Variants in IQGAP1 observed in about 807,000 individuals in gnomAD.
The protein encoded by IQGAP1 is ras GTPase-activating-like protein IQGAP1.
A neutral mutation model predicts 215.6 loss-of-function variants in IQGAP1; 66 were observed. The ratio of observed to expected loss-of-function variants is 0.31; its 90% confidence interval spans 0.25 to 0.38. The LOEUF (loss-of-function observed/expected upper bound fraction) is 0.38. Among genes scored for constraint, IQGAP1 ranks in the 10% least tolerant of loss-of-function variants. The pLI is 1.00. For synonymous variants in IQGAP1, 772 were observed against 728.7 expected, an observed-to-expected ratio of 1.06 and a Z score of -0.96; for missense variants, 1,712 against 1,997.1, an observed-to-expected ratio of 0.86 and a Z score of 2.72.
chr15:90,483,736 A>G, intron 29 of IQGAP1, 143 bp downstream of exon 29: 1 of 628,000 alleles, frequency 1.6e-6, no homozygotes, highest in South Asian at 2.0e-5. Flanking sequence ...GGATTCCAGA[A>G]GATGATCCAT....
At chr15:90,470,282 A>C (rs1380789174) in intron 18 of IQGAP1, among the ~76,000 whole-genome samples, 1 of 152,052 alleles carries the variant, frequency 6.6e-6, no homozygotes. Context: ...TATCCTTTCT[A>C]AAGCTCATTA....
At chr15:90,468,420 T>C (rs1051756503) in intron 18 of IQGAP1, among the ~76,000 whole-genome samples, 1 of 152,214 alleles carries the variant, frequency 6.6e-6, no homozygotes, top group African/African-American at 2.4e-5. Flanking sequence ...TTCTAAGGAA[T>C]GGGGATATAG....
At chr15:90,394,278 T>C (rs1964682592) in intron 2 of IQGAP1, among the ~76,000 whole-genome samples, 1 of 151,276 alleles carries the variant, frequency 6.6e-6, no homozygotes, top group South Asian at 2.1e-4. Context: ...GAAAGGTGCC[T>C]GGTCTATTTT....
At chr15:90,447,647 C>T (rs557103327) in intron 9 of IQGAP1, among the ~76,000 whole-genome samples, 2 of 152,116 alleles carry the variant, frequency 1.3e-5, no homozygotes, top group South Asian at 4.1e-4. Context: ...ATTATGATTC[C>T]TTAGTGGCTA....
chr15:90,490,303 G>A (rs986537461), intron 33 of IQGAP1, among the ~76,000 whole-genome samples: 4 of 152,232 alleles, frequency 2.6e-5, no homozygotes, highest in African/African-American at 9.6e-5. Flanking sequence ...CAAGAAGACA[G>A]TGCAGAGAAG....
At chr15:90,447,083 C>T (rs1222971146) in intron 9 of IQGAP1, among the ~76,000 whole-genome samples, 2 of 152,170 alleles carry the variant, frequency 1.3e-5, no homozygotes, top group African/African-American at 4.8e-5. Context: ...TATGAAAGCT[C>T]CTTGAGGACA....
At position 90,499,164 on chromosome 15, in the gene IQGAP1, CT is replaced by C. The variant is rs1966310812; in HGVS notation, c.4861-829del. Reference sequence around the variant, plus strand: ...TGACCCTTGCTTTCTCATCACCACTCTTATAAAGTTCAGAAGTGAGACCACT... The same window carrying C: ...TGACCCTTGCTTTCTCATCACCACTCTATAAAGTTCAGAAGTGAGACCACT... On this transcript the variant is annotated intron_variant, in intron 37 of 37. Transcript: ENST00000268182. Among the ~76,000 whole-genome samples, 3 of 152,304 alleles carry C rather than the reference CT, an allele frequency of 2.0e-5. 1 individual carries two copies. Among genetic ancestry groups the C allele is most frequent in the African/African-American group, 7.2e-5 (3 of 41,562 alleles).
chr15:90,426,652 C>T (rs1306443111), intron 3 of IQGAP1, among the ~76,000 whole-genome samples: 4 of 152,080 alleles, frequency 2.6e-5, no homozygotes, highest in South Asian at 4.1e-4. Flanking sequence ...AGGGGAATTA[C>T]CACTTTAAAT....
chr15:90,425,964 A>G, intron 2 of IQGAP1, 146 bp from the exon 3 acceptor site: 1 of 669,432 alleles, frequency 1.5e-6, no homozygotes, highest in Non-Finnish European at 2.2e-6. Flanking sequence ...CAGGCAGGGA[A>G]AGGATGTGTG....
rs889098281 is a variant in IQGAP1, at chr15:90,484,838, T to C, written c.3921+486T>C. Among the ~76,000 whole-genome samples the C allele has an allele frequency of 3.7e-4, 56 of 152,254 alleles. 2 individuals are homozygous for C. Among genetic ancestry groups the C allele is most frequent in the Admixed American group, 3.6e-3 (55 of 15,296 alleles). On this transcript the variant is annotated intron_variant, in intron 30 of 37. Coordinates refer to ENST00000268182, the MANE Select transcript of IQGAP1 (RefSeq NM_003870.4). The stretch of plus-strand genomic sequence containing the variant: ...GCTTGTTATTCTTAACAGTATCTAC[T>C]GCTAAGTTTCTAAAAGGTCTTCCCA...
chr15:90,490,505 T>G (rs1325833911), intron 33 of IQGAP1, among the ~76,000 whole-genome samples: 1 of 152,004 alleles, frequency 6.6e-6, no homozygotes, highest in East Asian at 1.9e-4. Context: ...GGAAGGTGTT[T>G]CCCTGTTAGA....
At chr15:90,413,016 T>C (rs1964991114) in intron 2 of IQGAP1, among the ~76,000 whole-genome samples, 1 of 152,226 alleles carries the variant, frequency 6.6e-6, no homozygotes, top group Admixed American at 6.5e-5. Context: ...CATATGCTCT[T>C]AGTCTGGGCT....
intron 18 of IQGAP1, 25 bp downstream of exon 18, chr15:90,467,617 A>G (rs1255588526): frequency 2.5e-6 from 4 of 1,592,352 alleles, no homozygotes; most frequent in Non-Finnish European, 2.6e-6. Flanking sequence ...TTCACGTAAG[A>G]AGAAGCTGAG....
At chr15:90,478,722 T>A (rs933482063) in intron 26 of IQGAP1, among the ~76,000 whole-genome samples, 3 of 152,100 alleles carry the variant, frequency 2.0e-5, no homozygotes, top group Non-Finnish European at 4.4e-5. Flanking sequence ...CTGGAGGGTG[T>A]AGGACTTAAA....
At chr15:90,390,095 G>C (rs946366928) in intron 1 of IQGAP1, among the ~76,000 whole-genome samples, 4 of 152,222 alleles carry the variant, frequency 2.6e-5, no homozygotes, top group Admixed American at 2.6e-4. Context: ...GTGGGAGGAA[G>C]GGAAGAGGAG....
rs1350739238 is a variant in IQGAP1 at position 90,426,132 on chromosome 15, G to C, written c.178G>C (p.Glu60Gln). The C allele has an allele frequency of 2.5e-6, 4 of 1,606,426 alleles. No homozygotes were observed. In the Middle Eastern group the frequency reaches 6.6e-4, roughly 266 times the overall value. ...CAGGTGGATGGAAGCATGCCTAGGG[G>C]AAGATCTGCCTCCCACCACAGAACT... ...AKRWMEACLG[E>Q]DLPPTTELEE... The change falls in exon 3 of 38, where the codon GAA (glutamate) becomes CAA (glutamine). Residue 60 changes from glutamate (E) to glutamine (Q), a missense_variant. Transcript: ENST00000268182.
intron 13 of IQGAP1, 99 bp downstream of exon 13, chr15:90,453,391 T>A (rs1965634642): frequency 2.3e-6 from 2 of 877,744 alleles, no homozygotes; most frequent in East Asian, 5.3e-5. Flanking sequence ...ATTATTACTT[T>A]ATCATGGTCA....
intron 18 of IQGAP1, among the ~76,000 whole-genome samples, chr15:90,471,730 C>CCT (rs1965908143): frequency 2.0e-5 from 3 of 151,854 alleles, no homozygotes. Flanking sequence ...GAACTCCTGA[C>CCT]CTCAGGTGAT....
At chr15:90,494,876 C>T in intron 36 of IQGAP1, 41 bp downstream of exon 36, 2 of 1,471,204 alleles carry the variant, frequency 1.4e-6, no homozygotes, top group Non-Finnish European at 1.9e-6. Flanking sequence ...ATTTTTATTT[C>T]TACATTTATC....
Sources: allele counts gnomAD v4.1 joint callset (sites outside exome capture counted in the v4.1 genomes callset), GRCh38; gene constraint gnomAD v4.1.1; transcripts MANE v1.5; gene names NCBI Gene and HGNC (gene_info 2026-07-23, HGNC 2026-07-21).